The following ANKS1B variants were observed in gnomAD, a reference collection of about 807,000 sequenced individuals.
The protein encoded by ANKS1B is ankyrin repeat and sterile alpha motif domain-containing protein 1B.
A neutral mutation model predicts 148.3 loss-of-function variants in ANKS1B; 36 were observed. That is an observed-to-expected ratio of 0.24 (90% CI 0.19 to 0.32). ANKS1B has a LOEUF of 0.32. ANKS1B is among the 10% of genes least tolerant of loss of function. ANKS1B has a pLI of 1.00. For missense variants in ANKS1B, 1,157 were observed against 1,542.6 expected, an observed-to-expected ratio of 0.75 and a Z score of 4.19; for synonymous variants, 542 against 560.8, an observed-to-expected ratio of 0.97 and a Z score of 0.47.
intron 15 of ANKS1B, among the ~76,000 whole-genome samples, chr12:99,101,203 T>G (rs1488454963): frequency 6.6e-6 from 1 of 152,080 alleles, no homozygotes; most frequent in Non-Finnish European, 1.5e-5. Context: ...TGGCAAGTTG[T>G]TTTATGCCTG....
At chr12:98,878,228 G>GA (rs59746677) in intron 17 of ANKS1B, among the ~76,000 whole-genome samples, 2,182 of 133,570 alleles carry the variant, frequency 0.016, 29 homozygotes, top group African/African-American at 0.037. Context: ...TATGAAAGAT[G>GA]AAAAAAAAAA....
At chr12:99,550,739 C>T (rs1434675771) in intron 9 of ANKS1B, among the ~76,000 whole-genome samples, 1 of 151,976 alleles carries the variant, frequency 6.6e-6, no homozygotes, top group African/African-American at 2.4e-5. Flanking sequence ...ATGTTTAAGA[C>T]ACATTACCTA....
chr12:99,652,626 G>A (rs2098427874), intron 9 of ANKS1B, among the ~76,000 whole-genome samples: 1 of 151,860 alleles, frequency 6.6e-6, no homozygotes, highest in Admixed American at 6.6e-5. Context: ...TCCCAATAGA[G>A]ATACTTTTTA....
At chr12:99,569,926 G>T (rs1343384995) in intron 9 of ANKS1B, among the ~76,000 whole-genome samples, 1 of 152,126 alleles carries the variant, frequency 6.6e-6, no homozygotes, top group African/African-American at 2.4e-5. Flanking sequence ...GTCACGGTTG[G>T]GAGTCAGTTT....
intron 9 of ANKS1B, among the ~76,000 whole-genome samples, chr12:99,622,004 C>G (rs1359204624): frequency 3.3e-5 from 5 of 151,950 alleles, no homozygotes; most frequent in African/African-American, 1.2e-4. Flanking sequence ...CATGCTTGAC[C>G]AGAAGGCAAA....
intron 11 of ANKS1B, among the ~76,000 whole-genome samples, chr12:99,415,302 T>A (rs1401419897): frequency 6.6e-6 from 1 of 152,196 alleles, no homozygotes; most frequent in Non-Finnish European, 1.5e-5. Context: ...TAAAACCAGC[T>A]TTATTTTCCA....
At chr12:98,757,998 G>A (rs1295159033) in intron 25 of ANKS1B, among the ~76,000 whole-genome samples, 1 of 151,636 alleles carries the variant, frequency 6.6e-6, no homozygotes, top group Non-Finnish European at 1.5e-5. Context: ...ACTGAAAACA[G>A]CATACTCTGA....
chr12:99,575,063 C>T (rs56693611), intron 9 of ANKS1B, among the ~76,000 whole-genome samples: 1 of 151,948 alleles, frequency 6.6e-6, no homozygotes, highest in Non-Finnish European at 1.5e-5. Context: ...AGTGATTATA[C>T]CAAATTTGCA....
At chr12:99,068,074 T>A (rs962393142) in intron 16 of ANKS1B, among the ~76,000 whole-genome samples, 1 of 152,144 alleles carries the variant, frequency 6.6e-6, no homozygotes, top group African/African-American at 2.4e-5. Context: ...GTGCATCATA[T>A]GTATAACATC....
At chr12:99,107,412 C>G (rs768249392) in intron 15 of ANKS1B, among the ~76,000 whole-genome samples, 10 of 152,138 alleles carry the variant, frequency 6.6e-5, no homozygotes, top group Non-Finnish European at 1.2e-4. Context: ...CTCAGACTTA[C>G]AAATGAAGTG....
chr12:99,164,809 C>T (rs1023688362), intron 14 of ANKS1B, among the ~76,000 whole-genome samples: 6 of 152,002 alleles, frequency 3.9e-5, no homozygotes, highest in Non-Finnish European at 7.4e-5. Flanking sequence ...ACTAGAATTT[C>T]CTCACAGTAT....
chr12:99,796,300 T>G (rs1263786752), intron 4 of ANKS1B, among the ~76,000 whole-genome samples: 2 of 152,036 alleles, frequency 1.3e-5, no homozygotes, highest in Admixed American at 1.3e-4. Flanking sequence ...TTAAAACTTA[T>G]AAGTTGTTTA....
At chr12:99,486,883 C>G (rs1006034520) in intron 10 of ANKS1B, among the ~76,000 whole-genome samples, 1 of 152,150 alleles carries the variant, frequency 6.6e-6, no homozygotes, top group African/African-American at 2.4e-5. Context: ...GGGTGCTCCT[C>G]CTGTGGGGAT....
intron 12 of ANKS1B, among the ~76,000 whole-genome samples, chr12:99,335,776 G>A (rs2088701294): frequency 6.6e-6 from 1 of 152,016 alleles, no homozygotes; most frequent in African/African-American, 2.4e-5. Context: ...GGATGTTTAG[G>A]TTGCTTCCAA....
At chr12:99,799,333 A>T (rs961814245) in intron 4 of ANKS1B, among the ~76,000 whole-genome samples, 1 of 151,622 alleles carries the variant, frequency 6.6e-6, no homozygotes, top group Non-Finnish European at 1.5e-5. Flanking sequence ...TTCATCTCTT[A>T]CTCCTCTGAG....
chr12:99,134,294 G>C (rs556846266), intron 15 of ANKS1B, among the ~76,000 whole-genome samples: 172 of 152,254 alleles, frequency 1.1e-3, no homozygotes, highest in African/African-American at 4.0e-3. Context: ...AGGATAATTG[G>C]AGAAAAGCTA....
At chr12:99,386,728 A>G (rs1264167108) in intron 12 of ANKS1B, among the ~76,000 whole-genome samples, 2 of 152,228 alleles carry the variant, frequency 1.3e-5, no homozygotes, top group African/African-American at 4.8e-5. Context: ...CCTCATGTAA[A>G]TAACTGCAAT....
intron 15 of ANKS1B, among the ~76,000 whole-genome samples, chr12:99,093,166 C>A (rs2054660672): frequency 6.6e-6 from 1 of 152,184 alleles, no homozygotes; most frequent in Non-Finnish European, 1.5e-5. Context: ...ATTTACAGAC[C>A]ATAGGGAGTG....
rs973928034 is a variant in ANKS1B, at chr12:99,591,716, C to T, written c.1272+63351G>A. 3.3e-5 allele frequency among the ~76,000 whole-genome samples: 5 copies of T among 152,064 alleles called. No homozygotes were observed. The East Asian group carries it at 7.7e-4, about 24-fold the overall frequency. ...GGGTAAGGAATAATTCTCAGCTTCC[C>T]CATTCCAGGCCCATATCTAAAGGGT... On this transcript the variant is annotated intron_variant, in intron 9 of 26. Coordinates refer to ENST00000683438, the MANE Select transcript of ANKS1B (RefSeq NM_001352186.2).
Sources: gnomAD v4.1 joint callset for allele counts (sites outside exome capture counted in the v4.1 genomes callset) on GRCh38, gnomAD v4.1.1 for gene constraint, MANE v1.5 for transcripts, NCBI Gene and HGNC (gene_info 2026-07-23, HGNC 2026-07-21) for gene names.